RFLNA: variants seen among roughly 807,000 people sequenced by gnomAD.
RFLNA encodes refilin-A.
RFLNA carries 5 observed loss-of-function variants against 7.8 expected under a neutral mutation model. That is an observed-to-expected ratio of 0.64 (90% CI 0.34 to 1.35). RFLNA has a LOEUF of 1.35. Ranked by LOEUF, RFLNA falls within the 40% of genes most tolerant of loss-of-function variation. The pLI is 0.04. For synonymous variants in RFLNA, 141 were observed against 131.3 expected, an observed-to-expected ratio of 1.07 and a Z score of -0.50; for missense variants, 278 against 305.5, an observed-to-expected ratio of 0.91 and a Z score of 0.67.
intron 1 of RFLNA, among the ~76,000 whole-genome samples, chr12:124,307,244 G>A (rs1030909612): frequency 8.5e-5 from 13 of 152,204 alleles, no homozygotes; most frequent in African/African-American, 2.7e-4. Context: ...TGTCATGGCC[G>A]CTGCGCACGG....
intron 2 of RFLNA, among the ~76,000 whole-genome samples, chr12:124,312,812 T>G (rs1408782111): frequency 6.6e-6 from 1 of 150,600 alleles, no homozygotes; most frequent in Non-Finnish European, 1.5e-5. Flanking sequence ...GCATATGACA[T>G]CTTAGGTGGC....
chr12:124,308,948 C>T (rs916340347), intron 1 of RFLNA, among the ~76,000 whole-genome samples: 7 of 152,242 alleles, frequency 4.6e-5, no homozygotes, highest in East Asian at 1.9e-4. Flanking sequence ...GCTGCCAGCG[C>T]GTGGCGGGTG....
upstream of RFLNA, among the ~76,000 whole-genome samples, chr12:124,291,342 C>A (rs749639685): frequency 7.2e-5 from 11 of 152,184 alleles, no homozygotes; most frequent in Non-Finnish European, 1.2e-4. Flanking sequence ...GCAGCCTCTG[C>A]CTCCCAGGTT....
At position 124,314,541 on chromosome 12, in the gene RFLNA, C is replaced by T. The variant is rs756391200; in HGVS notation, c.*16C>T. The T allele has an allele frequency of 3.1e-5, 49 of 1,555,672 alleles. No individual in the cohort carries two copies. The highest frequency in any genetic ancestry group is 4.1e-5 in the Non-Finnish European group (47 of 1,157,120). ...CACGCTCTGACGGGGCTGGGGCCGG[C>T]CCGGGGTGCTGGAGGAGCCGGGAGC... is the stretch of plus-strand genomic sequence containing the variant. On this transcript the variant is annotated 3_prime_UTR_variant, in exon 3 of 3. Transcript: ENST00000546355.
chr12:124,314,855 G>A lies in RFLNA; in HGVS notation c.*330G>A, dbSNP rs529616368. The A allele has an allele frequency of 5.7e-5, 28 of 487,964 alleles. No homozygotes were observed. The East Asian group carries it at 1.1e-3, about 20-fold the overall frequency. 30.2% of individuals were successfully genotyped at this position (487,964 alleles called of 1,614,324 possible). ...AATGGGTCCATGGAGTGCCCTTGAA[G>A]CAGAGAACAGCCCCGAGCAGTGTGA... On this transcript the variant is annotated 3_prime_UTR_variant, in exon 3 of 3. Coordinates refer to ENST00000546355, the MANE Select transcript of RFLNA (RefSeq NM_001365156.1).
chr12:124,291,976 C>A (rs1440508874), upstream of RFLNA, among the ~76,000 whole-genome samples: 2 of 152,206 alleles, frequency 1.3e-5, no homozygotes, highest in African/African-American at 4.8e-5. Flanking sequence ...CCCTTCTCCC[C>A]TTCTCTCCAA....
chr12:124,294,194 G>A (rs11838232), upstream of RFLNA, among the ~76,000 whole-genome samples: 1,020 of 152,296 alleles, frequency 6.7e-3, 9 homozygotes, highest in African/African-American at 0.022. Flanking sequence ...CCTGATCTTG[G>A]GCTTTCTGCT....
At chr12:124,310,670 C>T (rs957188676) in intron 1 of RFLNA, among the ~76,000 whole-genome samples, 11 of 151,866 alleles carry the variant, frequency 7.2e-5, no homozygotes, top group Admixed American at 2.0e-4. Flanking sequence ...CGGGCAGGGG[C>T]ATGCCCCTGA....
upstream of RFLNA, among the ~76,000 whole-genome samples, chr12:124,294,009 C>T (rs1250328080): frequency 1.3e-5 from 2 of 152,214 alleles, no homozygotes; most frequent in Non-Finnish European, 2.9e-5. Flanking sequence ...GGTGCATTGA[C>T]AGGCTCCCTC....
chr12:124,310,531 T>TTTCTGTTGAGGA (rs1307983797), intron 1 of RFLNA, among the ~76,000 whole-genome samples: 16 of 126,346 alleles, frequency 1.3e-4, no homozygotes, highest in African/African-American at 1.8e-4. Flanking sequence ...GGAGGTGGAC[T>TTTCTGTTGAGGA]GCAGGATGGG....
At chr12:124,302,728 A>G (rs1236969623) in intron 1 of RFLNA, among the ~76,000 whole-genome samples, 1 of 151,234 alleles carries the variant, frequency 6.6e-6, no homozygotes, top group African/African-American at 2.4e-5. Context: ...ATCCCAGACG[A>G]TCAAGTTCTG....
Position 124,308,388 on chromosome 12 carries a change from C to T in RFLNA, c.208-3430C>T, listed in dbSNP as rs571548200. Among the ~76,000 whole-genome samples, 3 of 152,332 alleles carry T rather than the reference C, an allele frequency of 2.0e-5. No homozygotes were observed. In the South Asian group the frequency reaches 6.2e-4, roughly 32 times the overall value. On this transcript the variant is annotated intron_variant, in intron 1 of 2. Transcript: ENST00000546355. ...CAATTCCATCTGCAAAGGCTCTATT[C>T]CAAATAAGATCCTGTCCACAGGGTC...
chr12:124,300,396 G>A (rs551158190), intron 1 of RFLNA, among the ~76,000 whole-genome samples: 80 of 152,352 alleles, frequency 5.3e-4, no homozygotes, highest in African/African-American at 1.7e-3. Context: ...TCCCCTGGGG[G>A]CCCAGCTCTT....
rs1165332578 is a variant in RFLNA at position 124,295,219 on chromosome 12, G to C, written c.-211G>C. On this transcript the variant is annotated 5_prime_UTR_variant, in exon 1 of 3. Coordinates refer to ENST00000546355, the MANE Select transcript of RFLNA (RefSeq NM_001365156.1). ...AGGGCGGAGGGCGGAGGGCGGCGGC[G>C]CTGGCAGGAGCGCGGCCCACGGCGG... 6.7e-6 allele frequency: 1 copy of C among 149,512 alleles called. No individual in the cohort carries two copies. Among genetic ancestry groups the C allele is most frequent in the African/African-American group, 2.4e-5 (1 of 40,934 alleles). 9.3% of individuals were successfully genotyped at this position (149,512 alleles called of 1,614,324 possible).
Position 124,314,736 on chromosome 12 carries a change from C to A in RFLNA, c.*211C>A. 1.2e-6 allele frequency: 1 copy of A among 839,630 alleles called. No individual in the cohort carries two copies. The highest frequency in any genetic ancestry group is 1.4e-5 in the South Asian group (1 of 69,380). The allele number at this position is 839,630 out of a possible 1,614,324, so 52.0% of individuals were successfully genotyped here. On this transcript the variant is annotated 3_prime_UTR_variant, in exon 3 of 3. Transcript: ENST00000546355. Reference sequence around the variant, plus strand: ...TCTCCTTGTTTTGGTGTCAAGGACTCAGTAAAAGCATCTATTTTTTTAGCA... The same window carrying A: ...TCTCCTTGTTTTGGTGTCAAGGACTAAGTAAAAGCATCTATTTTTTTAGCA...
intron 1 of RFLNA, among the ~76,000 whole-genome samples, chr12:124,310,043 T>C (rs2034210281): frequency 6.6e-6 from 1 of 151,744 alleles, no homozygotes; most frequent in South Asian, 2.1e-4. Flanking sequence ...CATGGTGGCA[T>C]GCACCTGTAG....
chr12:124,304,268 C>T (rs945669216), intron 1 of RFLNA, among the ~76,000 whole-genome samples: 9 of 152,218 alleles, frequency 5.9e-5, no homozygotes, highest in African/African-American at 1.9e-4. Flanking sequence ...TGGGCCTTGG[C>T]GGGGACTTCC....
chr12:124,292,580 G>A (rs2033840118), upstream of RFLNA, among the ~76,000 whole-genome samples: 2 of 152,198 alleles, frequency 1.3e-5, no homozygotes, highest in South Asian at 2.1e-4. Flanking sequence ...CAGAGGTCAT[G>A]GTCACTGGGG....
rs140496990 is a variant in RFLNA at position 124,314,889 on chromosome 12, G to A, written c.*364G>A. 1.7e-5 allele frequency: 7 copies of A among 406,620 alleles called. No individual in the cohort carries two copies. Among genetic ancestry groups the A allele is most frequent in the African/African-American group, 1.2e-4 (6 of 49,410 alleles). 25.2% of individuals were successfully genotyped at this position (406,620 alleles called of 1,614,324 possible). On this transcript the variant is annotated 3_prime_UTR_variant, in exon 3 of 3. Coordinates refer to ENST00000546355, the MANE Select transcript of RFLNA (RefSeq NM_001365156.1). Reference sequence around the variant, plus strand: ...AGCCCCGAGCAGTGTGAGGACAGAGGCATCCCAGCCTCAGCCGGTGGGGAC... The same window carrying A: ...AGCCCCGAGCAGTGTGAGGACAGAGACATCCCAGCCTCAGCCGGTGGGGAC...
Sources: gnomAD v4.1 joint callset for allele counts (sites outside exome capture counted in the v4.1 genomes callset) on GRCh38, gnomAD v4.1.1 for gene constraint, MANE v1.5 for transcripts, NCBI Gene and HGNC (gene_info 2026-07-23, HGNC 2026-07-21) for gene names.